The following CDH13 variants were observed in gnomAD, a reference collection of about 807,000 sequenced individuals.
CDH13 encodes the protein cadherin 13.
CDH13 carries 24 observed loss-of-function variants against 63.8 expected under a neutral mutation model. The ratio of observed to expected loss-of-function variants is 0.38; its 90% CI spans 0.27 to 0.53. CDH13 has a LOEUF of 0.53. Ranked by LOEUF, CDH13 falls within the 20% of genes least tolerant of loss-of-function variation. The pLI is 0.85. For synonymous variants in CDH13, 503 were observed against 355.3 expected (o/e 1.42, Z -4.67); for missense variants, 1,049 against 903.1 (o/e 1.16, Z -2.07).
intron 3 of CDH13, among the ~76,000 whole-genome samples, chr16:83,100,602 G>A (rs2034428988): frequency 6.6e-6 from 1 of 152,194 alleles, no homozygotes; most frequent in African/African-American, 2.4e-5. Context: ...CATTTCCCAT[G>A]TCTGAAACTG....
At chr16:83,168,376 T>A (rs749766186) in intron 4 of CDH13, among the ~76,000 whole-genome samples, 11 of 151,926 alleles carry the variant, frequency 7.2e-5, no homozygotes, top group Non-Finnish European at 1.6e-4. Flanking sequence ...TGTGTATATA[T>A]ATACACACAC....
chr16:83,550,981 A>AT (rs2075479332), intron 7 of CDH13, among the ~76,000 whole-genome samples: 1 of 152,080 alleles, frequency 6.6e-6, no homozygotes, highest in Middle Eastern at 3.4e-3. Flanking sequence ...TCTGAAGCCA[A>AT]TTTGCATCTC....
At chr16:82,915,483 G>C (rs17675094) in intron 2 of CDH13, among the ~76,000 whole-genome samples, 60,829 of 152,052 alleles carry the variant, frequency 0.4, 16,013 homozygotes, top group Non-Finnish European at 0.6. Context: ...ACTTATCAAA[G>C]TGATATACAG....
At chr16:83,432,643 G>C (rs2072155971) in intron 6 of CDH13, among the ~76,000 whole-genome samples, 1 of 152,134 alleles carries the variant, frequency 6.6e-6, no homozygotes, top group Non-Finnish European at 1.5e-5. Flanking sequence ...CTTCACTCTG[G>C]GTGGAGAAAG....
chr16:83,191,464 T>TATATAG, intron 4 of CDH13, among the ~76,000 whole-genome samples: 1 of 92,508 alleles, frequency 1.1e-5, no homozygotes, highest in South Asian at 3.1e-4. Context: ...AGGAAATATA[T>TATATAG]ATATATATAT....
At chr16:83,601,092 G>A (rs1251247444) in intron 7 of CDH13, among the ~76,000 whole-genome samples, 3 of 152,118 alleles carry the variant, frequency 2.0e-5, no homozygotes, top group African/African-American at 7.2e-5. Context: ...AAGATGCACT[G>A]ACTGACTTCT....
At chr16:83,250,622 A>C (rs1337807002) in intron 5 of CDH13, among the ~76,000 whole-genome samples, 2 of 152,200 alleles carry the variant, frequency 1.3e-5, no homozygotes, top group Non-Finnish European at 2.9e-5. Flanking sequence ...CCTTGGAGTA[A>C]TCAAGAAATA....
chr16:82,886,448 C>G (rs1005555569), intron 2 of CDH13, among the ~76,000 whole-genome samples: 3 of 152,092 alleles, frequency 2.0e-5, no homozygotes, highest in Admixed American at 2.0e-4. Flanking sequence ...GATGTTATTG[C>G]TATTTTATTA....
chr16:83,685,054 T>C (rs878947845), intron 10 of CDH13, among the ~76,000 whole-genome samples: 1 of 152,174 alleles, frequency 6.6e-6, no homozygotes, highest in Admixed American at 6.5e-5. Context: ...CCTTCATATC[T>C]GCATTCCAGA....
At chr16:82,972,330 A>G (rs1392935377) in intron 2 of CDH13, among the ~76,000 whole-genome samples, 1 of 152,188 alleles carries the variant, frequency 6.6e-6, no homozygotes, top group African/African-American at 2.4e-5. Context: ...AGAAGCAGGG[A>G]ATGATTGAAA....
intron 1 of CDH13, among the ~76,000 whole-genome samples, chr16:82,810,031 G>A (rs192828869): frequency 3.6e-4 from 55 of 152,252 alleles, no homozygotes; most frequent in East Asian, 5.8e-4. Flanking sequence ...GCCATCGCCC[G>A]GTGCCTTAGC....
chr16:82,643,390 C>T (rs1392466418), intron 1 of CDH13, among the ~76,000 whole-genome samples: 1 of 152,180 alleles, frequency 6.6e-6, no homozygotes, highest in Admixed American at 6.5e-5. Context: ...AAAAGATCCC[C>T]ATTGTCCACC....
intron 1 of CDH13, among the ~76,000 whole-genome samples, chr16:82,796,881 C>G (rs537228583): frequency 4.2e-4 from 64 of 152,324 alleles, no homozygotes; most frequent in African/African-American, 1.4e-3. Flanking sequence ...ACGGCTGCAC[C>G]TGTGGACCTA....
intron 2 of CDH13, among the ~76,000 whole-genome samples, chr16:82,989,185 G>C (rs56907994): frequency 6.6e-6 from 1 of 152,132 alleles, no homozygotes; most frequent in African/African-American, 2.4e-5. Context: ...CCTGGAACAT[G>C]GCAGTGTGAG....
Position 82,873,019 on chromosome 16 carries a change from C to T in CDH13, c.157+14546C>T, listed in dbSNP as rs118171015. 3.9e-3 allele frequency among the ~76,000 whole-genome samples: 596 copies of T among 152,270 alleles called. 5 individuals are homozygous for T. The highest frequency in any genetic ancestry group is 0.025 in the South Asian group (122 of 4,826). ...ACATGACAAGACGATGGTTAAGTAT[C>T]ATGAAGGAAATAAGGCAAGGTCATA... On this transcript the variant is annotated intron_variant, in intron 2 of 13. Transcript: ENST00000567109.
rs182628479 is a variant in CDH13, at chr16:83,475,230, C to T, written c.782-11247C>T. ...GTGCAGGTCACACGTTCATGAAGTC[C>T]ACCTGCTCTTGAGCTTGCCTTAGAC... On this transcript the variant is annotated intron_variant, in intron 6 of 13. Transcript: ENST00000567109. Among the ~76,000 whole-genome samples the T allele has an allele frequency of 2.3e-3, 345 of 152,338 alleles. 1 individual carries two copies. Among genetic ancestry groups the T allele is most frequent in the Middle Eastern group, 6.8e-3 (2 of 294 alleles).
intron 7 of CDH13, among the ~76,000 whole-genome samples, chr16:83,504,775 G>A (rs1050629041): frequency 2.0e-5 from 3 of 152,218 alleles, no homozygotes; most frequent in African/African-American, 7.2e-5. Context: ...GGTGACAAGA[G>A]TAGTGGCTTC....
intron 3 of CDH13, among the ~76,000 whole-genome samples, chr16:83,033,785 AG>A (rs1210741886): frequency 6.6e-6 from 1 of 152,210 alleles, no homozygotes; most frequent in Non-Finnish European, 1.5e-5. Context: ...CACCTTCGTG[AG>A]AAAAGGAGGG....
intron 6 of CDH13, among the ~76,000 whole-genome samples, chr16:83,370,054 A>G (rs1178874677): frequency 1.3e-5 from 2 of 152,108 alleles, no homozygotes; most frequent in Non-Finnish European, 2.9e-5. Flanking sequence ...CTGTATCTCC[A>G]ATATCTCCTG....
Sources: allele counts gnomAD v4.1 joint callset (sites outside exome capture counted in the v4.1 genomes callset), GRCh38; gene constraint gnomAD v4.1.1; transcripts MANE v1.5; gene names NCBI Gene and HGNC (gene_info 2026-07-23, HGNC 2026-07-21).